LRRTM4: variants seen among roughly 807,000 people sequenced by gnomAD.
LRRTM4 encodes leucine-rich repeat transmembrane neuronal protein 4.
A neutral mutation model predicts 47.6 loss-of-function variants in LRRTM4; 25 were observed. The ratio of observed to expected loss-of-function variants is 0.53; its 90% confidence interval spans 0.38 to 0.73. The LOEUF (loss-of-function observed/expected upper bound fraction) is 0.73. LRRTM4 is among the 30% of genes least tolerant of loss of function. The pLI, the probability that LRRTM4 is intolerant of heterozygous loss-of-function variation, is 0.00. For synonymous variants in LRRTM4, 311 were observed against 269.5 expected, an observed-to-expected ratio of 1.15 and a Z score of -1.51; for missense variants, 638 against 713.4, an observed-to-expected ratio of 0.89 and a Z score of 1.20.
At chr2:77,489,886 G>A (rs115083145) in intron 3 of LRRTM4, among the ~76,000 whole-genome samples, 1 of 152,172 alleles carries the variant, frequency 6.6e-6, no homozygotes, top group Non-Finnish European at 1.5e-5. Flanking sequence ...ACTTATGAGT[G>A]TGAACAGTGA....
chr2:77,378,008 G>A (rs902209160), intron 3 of LRRTM4, among the ~76,000 whole-genome samples: 1 of 151,712 alleles, frequency 6.6e-6, no homozygotes, highest in Non-Finnish European at 1.5e-5. Context: ...GGTAATTTAG[G>A]TTCTCTAGAA....
chr2:77,492,481 A>C (rs1226035873), intron 3 of LRRTM4, among the ~76,000 whole-genome samples: 4 of 151,198 alleles, frequency 2.6e-5, no homozygotes, highest in African/African-American at 9.7e-5. Context: ...CTGGACTTGA[A>C]CTCCTGGCCT....
chr2:77,068,733 T>C (rs1558560970), intron 3 of LRRTM4, among the ~76,000 whole-genome samples: 3 of 152,214 alleles, frequency 2.0e-5, no homozygotes, highest in African/African-American at 4.8e-5. Flanking sequence ...TTGAGGTGTG[T>C]TGGGAACAGG....
chr2:77,393,747 A>G (rs981295081), intron 3 of LRRTM4, among the ~76,000 whole-genome samples: 1 of 151,958 alleles, frequency 6.6e-6, no homozygotes, highest in Non-Finnish European at 1.5e-5. Flanking sequence ...GAGAATGACT[A>G]TAGTCTAAAT....
In LRRTM4 at chr2:76,787,581, T is replaced by G. The variant is rs529432351; in HGVS notation, c.1552-38665A>C. ...GTTTTATGAAGTTAGGAAAATTTTTTTTTTTTAGTGTTTTGGTTAAATTGA... is the reference window on the plus strand; with the variant it reads ...GTTTTATGAAGTTAGGAAAATTTTTGTTTTTTAGTGTTTTGGTTAAATTGA... On this transcript the variant is annotated intron_variant, in intron 3 of 3. Coordinates refer to ENST00000409884, the MANE Select transcript of LRRTM4 (RefSeq NM_001134745.3). 2.6e-5 allele frequency among the ~76,000 whole-genome samples: 4 copies of G among 152,186 alleles called. No homozygotes were observed. The South Asian group carries it at 8.3e-4, about 32-fold the overall frequency.
intron 3 of LRRTM4, among the ~76,000 whole-genome samples, chr2:76,807,382 T>TTTTA (rs765136723): frequency 7.9e-6 from 1 of 126,890 alleles, no homozygotes; most frequent in African/African-American, 3.0e-5. Context: ...AACATTCATT[T>TTTTA]TATATATATA....
At chr2:77,128,152 A>AC (rs200646895) in intron 3 of LRRTM4, among the ~76,000 whole-genome samples, 2,073 of 149,834 alleles carry the variant, frequency 0.014, 48 homozygotes, top group African/African-American at 0.049. Context: ...CAAAAAAAAA[A>AC]ACAAAACAAA....
chr2:77,191,776 T>G (rs1673675215), intron 3 of LRRTM4, among the ~76,000 whole-genome samples: 1 of 152,068 alleles, frequency 6.6e-6, no homozygotes, highest in Non-Finnish European at 1.5e-5. Context: ...TGTTTTTAAA[T>G]TTTTAGTACT....
intron 3 of LRRTM4, among the ~76,000 whole-genome samples, chr2:77,107,740 C>T (rs1024687908): frequency 1.3e-5 from 2 of 150,890 alleles, no homozygotes; most frequent in Non-Finnish European, 2.9e-5. Context: ...ATTGCTTGAA[C>T]CCGGGAGGCA....
At chr2:77,513,071 A>T (rs1454295346) in intron 3 of LRRTM4, among the ~76,000 whole-genome samples, 1 of 152,212 alleles carries the variant, frequency 6.6e-6, no homozygotes, top group African/African-American at 2.4e-5. Flanking sequence ...AAAAGCAGAC[A>T]TAGTTTTAAG....
chr2:76,783,616 C>G (rs572001499), intron 3 of LRRTM4, among the ~76,000 whole-genome samples: 1 of 152,208 alleles, frequency 6.6e-6, no homozygotes, highest in East Asian at 1.9e-4. Context: ...TGAAAAGTTT[C>G]TCTGAAACTA....
intron 3 of LRRTM4, among the ~76,000 whole-genome samples, chr2:77,049,593 A>G (rs1679359529): frequency 6.6e-6 from 1 of 151,878 alleles, no homozygotes; most frequent in Admixed American, 6.6e-5. Flanking sequence ...TTTGTCTTCT[A>G]TTAGGAAATG....
chr2:77,269,627 GA>G (rs549664258), intron 3 of LRRTM4, among the ~76,000 whole-genome samples: 5 of 151,992 alleles, frequency 3.3e-5, no homozygotes, highest in East Asian at 3.9e-4. Context: ...TTTAATGAAA[GA>G]AAAAAAGGTT....
intron 3 of LRRTM4, among the ~76,000 whole-genome samples, chr2:77,476,984 G>GTA (rs1194689198): frequency 7.3e-5 from 11 of 150,774 alleles, no homozygotes; most frequent in African/African-American, 2.7e-4. Context: ...GTGTGTGTGT[G>GTA]TGTGTGTGTG....
chr2:76,807,392 ATATATATGTATATACG>A (rs1432402520), intron 3 of LRRTM4, among the ~76,000 whole-genome samples: 3 of 125,040 alleles, frequency 2.4e-5, no homozygotes, highest in African/African-American at 1.1e-4. Context: ...TTATATATAT[ATATATATGTATATACG>A]TATATATATA....
At chr2:77,125,222 A>G (rs1323880788) in intron 3 of LRRTM4, among the ~76,000 whole-genome samples, 1 of 152,196 alleles carries the variant, frequency 6.6e-6, no homozygotes, top group Non-Finnish European at 1.5e-5. Flanking sequence ...CACAAAAGAA[A>G]TCCATATTTA....
intron 3 of LRRTM4, among the ~76,000 whole-genome samples, chr2:77,006,274 A>C (rs1339003587): frequency 1.3e-5 from 2 of 152,150 alleles, no homozygotes; most frequent in Admixed American, 6.6e-5. Flanking sequence ...CACTTTGGGA[A>C]TCTAAGGAAT....
intron 3 of LRRTM4, among the ~76,000 whole-genome samples, chr2:77,384,621 T>C (rs1673193162): frequency 6.6e-6 from 1 of 151,942 alleles, no homozygotes. Context: ...AACTGAAAGA[T>C]CATTGAAAAC....
rs1406833558 is a variant in LRRTM4 at position 77,228,428 on chromosome 2, T to A, written c.1551+289890A>T. On this transcript the variant is annotated intron_variant, in intron 3 of 3. Coordinates refer to ENST00000409884, the MANE Select transcript of LRRTM4 (RefSeq NM_001134745.3). ...AAGGAATGGGTTTGGCGAAGTCCCA[T>A]GAAAATTACATAAGCTCCAGTGAAT... 2.0e-5 allele frequency among the ~76,000 whole-genome samples: 3 copies of A among 152,236 alleles called. No homozygotes were observed. The East Asian group carries it at 5.8e-4, about 29-fold the overall frequency.
Sources: gnomAD v4.1 joint callset for allele counts (sites outside exome capture counted in the v4.1 genomes callset) on GRCh38, gnomAD v4.1.1 for gene constraint, MANE v1.5 for transcripts, NCBI Gene and HGNC (gene_info 2026-07-23, HGNC 2026-07-21) for gene names.